Variants in PLXNA4 observed in about 807,000 individuals in gnomAD.
The protein encoded by PLXNA4 is plexin-A4.
In PLXNA4, 44 loss-of-function variants were observed where a neutral mutation model predicts 191.8. The ratio of observed to expected loss-of-function variants is 0.23; its 90% CI spans 0.18 to 0.29. The LOEUF is 0.29. Ranked by LOEUF, PLXNA4 falls within the 10% of genes least tolerant of loss-of-function variation. The pLI is 1.00. For synonymous variants in PLXNA4, 1,082 were observed against 1,009.5 expected (o/e 1.07, Z -1.36); for missense variants, 1,800 against 2,488.8 (o/e 0.72, Z 5.89).
At chr7:132,217,449 G>A (rs529561585) in intron 9 of PLXNA4, among the ~76,000 whole-genome samples, 1 of 152,228 alleles carries the variant, frequency 6.6e-6, no homozygotes, top group East Asian at 1.9e-4. Context: ...TTCTCCTATT[G>A]TTACAGCAAG....
chr7:132,231,460 T>C (rs1798519618), intron 5 of PLXNA4, among the ~76,000 whole-genome samples: 1 of 152,260 alleles, frequency 6.6e-6, no homozygotes, highest in African/African-American at 2.4e-5. Context: ...AGTCTGGCTC[T>C]GTAGCCCAGG....
intron 3 of PLXNA4, among the ~76,000 whole-genome samples, chr7:132,328,812 C>T (rs1373600031): frequency 6.6e-6 from 1 of 152,186 alleles, no homozygotes; most frequent in Non-Finnish European, 1.5e-5. Context: ...ACCGCAGGTG[C>T]TCTACAAGCA....
chr7:132,634,650 C>T (rs1325102680), intron 2 of PLXNA4, among the ~76,000 whole-genome samples: 1 of 152,216 alleles, frequency 6.6e-6, no homozygotes, highest in Non-Finnish European at 1.5e-5. Flanking sequence ...CCCTTTTCCA[C>T]CTAATTCTAT....
At chr7:132,149,235 T>A (rs1378576343) in intron 25 of PLXNA4, among the ~76,000 whole-genome samples, 1 of 152,180 alleles carries the variant, frequency 6.6e-6, no homozygotes, top group Admixed American at 6.5e-5. Context: ...CCCTGCAAAG[T>A]TTATGTAAAT....
chr7:132,237,102 C>T (rs1475951018), intron 5 of PLXNA4, among the ~76,000 whole-genome samples: 3 of 152,214 alleles, frequency 2.0e-5, no homozygotes, highest in African/African-American at 4.8e-5. Flanking sequence ...TTGTCTTTGT[C>T]AAAGCTTTCA....
intron 3 of PLXNA4, among the ~76,000 whole-genome samples, chr7:132,402,801 G>A (rs1212611865): frequency 6.6e-6 from 1 of 152,332 alleles, no homozygotes; most frequent in African/African-American, 2.4e-5. Flanking sequence ...CATGAGACAG[G>A]TCTGGCTGGG....
chr7:132,397,072 G>A (rs1466204491), intron 3 of PLXNA4, among the ~76,000 whole-genome samples: 1 of 152,194 alleles, frequency 6.6e-6, no homozygotes, highest in African/African-American at 2.4e-5. Context: ...TTCTCTGCAG[G>A]GATACCCAGC....
chr7:132,476,060 T>A (rs1031602031), intron 3 of PLXNA4, among the ~76,000 whole-genome samples: 1 of 152,136 alleles, frequency 6.6e-6, no homozygotes, highest in Non-Finnish European at 1.5e-5. Flanking sequence ...TGTGGGTGCC[T>A]CCCTGTGCGT....
At chr7:132,424,956 A>C (rs981747860) in intron 3 of PLXNA4, among the ~76,000 whole-genome samples, 1 of 152,154 alleles carries the variant, frequency 6.6e-6, no homozygotes, top group African/African-American at 2.4e-5. Flanking sequence ...GGGTGTCAGC[A>C]TCACGGCACC....
chr7:132,223,391 G>A, intron 9 of PLXNA4, 136 bp downstream of exon 9: 1 of 697,230 alleles, frequency 1.4e-6, no homozygotes, highest in East Asian at 2.8e-5. Flanking sequence ...TTTATAAAGT[G>A]GACCCTTAAG....
At chr7:132,522,644 T>C (rs544903622) in intron 1 of PLXNA4, among the ~76,000 whole-genome samples, 40 of 152,272 alleles carry the variant, frequency 2.6e-4, no homozygotes, top group Non-Finnish European at 5.4e-4. Context: ...TGGTGGCACA[T>C]ACCTGCATTT....
chr7:132,474,234 A>G (rs1339174081), intron 3 of PLXNA4, among the ~76,000 whole-genome samples: 1 of 151,272 alleles, frequency 6.6e-6, no homozygotes, highest in Admixed American at 6.6e-5. Flanking sequence ...ACACACACAC[A>G]CACACACACA....
At chr7:132,586,049 T>A (rs140299508) in intron 2 of PLXNA4, among the ~76,000 whole-genome samples, 144 of 152,346 alleles carry the variant, frequency 9.5e-4, no homozygotes, top group African/African-American at 3.4e-3. Flanking sequence ...AGGCATTTAA[T>A]AGACTCTTTA....
chr7:132,527,856 G>A (rs768390516), intron 1 of PLXNA4, among the ~76,000 whole-genome samples: 2 of 152,174 alleles, frequency 1.3e-5, no homozygotes, highest in Non-Finnish European at 1.5e-5. Context: ...AGAGGTAACT[G>A]ATAGAGCCTG....
At chr7:132,411,946 C>G (rs1176641911) in intron 3 of PLXNA4, among the ~76,000 whole-genome samples, 2 of 152,192 alleles carry the variant, frequency 1.3e-5, no homozygotes, top group Admixed American at 1.3e-4. Context: ...GCCTGCCCCT[C>G]CAAACTTGAC....
chr7:132,406,732 C>T (rs924675838), intron 3 of PLXNA4, among the ~76,000 whole-genome samples: 1 of 152,108 alleles, frequency 6.6e-6, no homozygotes, highest in Admixed American at 6.5e-5. Flanking sequence ...TGGAACCACA[C>T]AGGTTGTTAA....
chr7:132,464,685 T>C (rs1796634813), intron 3 of PLXNA4, among the ~76,000 whole-genome samples: 1 of 152,222 alleles, frequency 6.6e-6, no homozygotes, highest in Non-Finnish European at 1.5e-5. Flanking sequence ...GTGATGCAGG[T>C]GGCACTTGCC....
chr7:132,399,144 C>T (rs764089496), intron 3 of PLXNA4, among the ~76,000 whole-genome samples: 1 of 152,174 alleles, frequency 6.6e-6, no homozygotes, highest in South Asian at 2.1e-4. Flanking sequence ...ATTACACCCA[C>T]GGGCTTCAAG....
upstream of PLXNA4, chr7:132,577,209 T>C (rs1413471867): frequency 2.0e-5 from 3 of 148,820 alleles, no homozygotes; most frequent in African/African-American, 7.3e-5. Flanking sequence ...CCGGGCGGGC[T>C]GCTCGCAAAG....
Sources: allele counts gnomAD v4.1 joint callset (sites outside exome capture counted in the v4.1 genomes callset), GRCh38; gene constraint gnomAD v4.1.1; transcripts MANE v1.5; gene names NCBI Gene and HGNC (gene_info 2026-07-23, HGNC 2026-07-21).